The following CNTNAP5 variants were observed in gnomAD, a reference collection of about 807,000 sequenced individuals.
CNTNAP5 encodes the protein contactin-associated protein-like 5.
CNTNAP5 carries 72 observed loss-of-function variants against 150.2 expected under a neutral mutation model. The observed-to-expected ratio is 0.48, with a 90% confidence interval of 0.40 to 0.58. The LOEUF is 0.58. Ranked by LOEUF, CNTNAP5 falls within the 20% of genes least tolerant of loss-of-function variation. The pLI, the probability that CNTNAP5 is intolerant of heterozygous loss-of-function variation, is 0.00. For missense variants in CNTNAP5, 1,636 were observed against 1,626.2 expected (o/e 1.01, Z -0.10); for synonymous variants, 672 against 619.8 (o/e 1.08, Z -1.25).
chr2:124,355,180 A>G (rs1052845116), intron 3 of CNTNAP5, among the ~76,000 whole-genome samples: 17 of 152,192 alleles, frequency 1.1e-4, no homozygotes, highest in African/African-American at 3.9e-4. Flanking sequence ...GATGTCTACA[A>G]AAAATAATTA....
At chr2:124,170,393 C>T (rs1009613127) in intron 1 of CNTNAP5, among the ~76,000 whole-genome samples, 1 of 152,110 alleles carries the variant, frequency 6.6e-6, no homozygotes, top group Non-Finnish European at 1.5e-5. Context: ...TGATTTAGTA[C>T]CTGAGTTAGC....
intron 1 of CNTNAP5, among the ~76,000 whole-genome samples, chr2:124,214,401 C>T (rs867045287): frequency 6.6e-6 from 1 of 152,160 alleles, no homozygotes; most frequent in Non-Finnish European, 1.5e-5. Flanking sequence ...CTGCTCTGGC[C>T]CCATCACCAG....
intron 1 of CNTNAP5, among the ~76,000 whole-genome samples, chr2:124,183,798 C>A (rs184839934): frequency 6.6e-6 from 1 of 152,256 alleles, no homozygotes; most frequent in East Asian, 1.9e-4. Context: ...AGAAAGATAA[C>A]GTCCACCCAC....
chr2:124,036,789 C>A (rs1681233744), intron 1 of CNTNAP5, among the ~76,000 whole-genome samples: 1 of 152,116 alleles, frequency 6.6e-6, no homozygotes, highest in Admixed American at 6.5e-5. Context: ...TTTCCCCATT[C>A]TAGGCTGAGG....
intron 20 of CNTNAP5, among the ~76,000 whole-genome samples, chr2:124,867,376 T>C (rs1677655236): frequency 6.6e-6 from 1 of 152,174 alleles, no homozygotes; most frequent in Non-Finnish European, 1.5e-5. Flanking sequence ...TACCTTTTTC[T>C]TATACCCATA....
At chr2:124,460,567 AT>A (rs1203135808) in intron 6 of CNTNAP5, among the ~76,000 whole-genome samples, 1 of 152,172 alleles carries the variant, frequency 6.6e-6, no homozygotes, top group Non-Finnish European at 1.5e-5. Flanking sequence ...CTTTACTTTC[AT>A]TTATATCTAT....
At chr2:124,408,132 T>G (rs1306607335) in intron 3 of CNTNAP5, among the ~76,000 whole-genome samples, 1 of 152,308 alleles carries the variant, frequency 6.6e-6, no homozygotes, top group African/African-American at 2.4e-5. Flanking sequence ...GGAAGGCACC[T>G]GGAAAATCGG....
chr2:124,618,605 A>G (rs1189671011), intron 12 of CNTNAP5, among the ~76,000 whole-genome samples: 1 of 152,082 alleles, frequency 6.6e-6, no homozygotes, highest in Non-Finnish European at 1.5e-5. Flanking sequence ...CTCCCCTCTG[A>G]TGAAACCCAA....
intron 3 of CNTNAP5, among the ~76,000 whole-genome samples, chr2:124,403,107 C>A (rs1284007047): frequency 6.6e-6 from 1 of 152,210 alleles, no homozygotes; most frequent in African/African-American, 2.4e-5. Context: ...GCTAGTTCCT[C>A]CTTAACTTTA....
chr2:124,764,202 C>G, intron 16 of CNTNAP5, 55 bp downstream of exon 16: 11 of 1,453,166 alleles, frequency 7.6e-6, no homozygotes, highest in Non-Finnish European at 1.1e-5. Context: ...AAGTTTTAGT[C>G]TTGTTTTTGC....
At position 124,918,274 on chromosome 2, in the gene CNTNAP5, G is replaced by T. The variant is rs1206868993; in HGVS notation, c.*3986G>T. 3.9e-5 allele frequency among the ~76,000 whole-genome samples: 6 copies of T among 152,038 alleles called. No individual in the cohort carries two copies. Among genetic ancestry groups the T allele is most frequent in the Non-Finnish European group, 8.8e-5 (6 of 67,990 alleles). ...TTCCAGATGTTCCTGAAGGTGGTTT[G>T]GTTGTCATCCAGCTCTTCCTAAAAC... On this transcript the variant is annotated 3_prime_UTR_variant, in exon 24 of 24. Coordinates refer to ENST00000682447, the MANE Select transcript of CNTNAP5 (RefSeq NM_001367498.1).
chr2:124,539,371 C>CT (rs1695323443), intron 10 of CNTNAP5, among the ~76,000 whole-genome samples: 1 of 152,168 alleles, frequency 6.6e-6, no homozygotes, highest in Non-Finnish European at 1.5e-5. Flanking sequence ...ATGCCATCCA[C>CT]TTTAACACTT....
chr2:124,742,951 G>A (rs1358492129), intron 13 of CNTNAP5, among the ~76,000 whole-genome samples: 1 of 152,038 alleles, frequency 6.6e-6, no homozygotes, highest in Non-Finnish European at 1.5e-5. Flanking sequence ...TGGTTTCCTA[G>A]CCAAGGAGCT....
intron 3 of CNTNAP5, among the ~76,000 whole-genome samples, chr2:124,366,637 C>T (rs929104960): frequency 2.0e-5 from 3 of 152,112 alleles, no homozygotes; most frequent in Admixed American, 2.0e-4. Context: ...AATTCTACCC[C>T]TCCAGGTGTT....
At chr2:124,514,476 A>G (rs1694661052) in intron 8 of CNTNAP5, among the ~76,000 whole-genome samples, 1 of 152,062 alleles carries the variant, frequency 6.6e-6, no homozygotes. Context: ...TTTCTCATGT[A>G]ACTTGAAGTT....
At chr2:124,479,327 G>T (rs1693714024) in intron 7 of CNTNAP5, among the ~76,000 whole-genome samples, 1 of 151,894 alleles carries the variant, frequency 6.6e-6, no homozygotes, top group African/African-American at 2.4e-5. Context: ...TGCTTTTTTT[G>T]AGCTGTCCTT....
intron 19 of CNTNAP5, among the ~76,000 whole-genome samples, chr2:124,801,751 T>C (rs559927205): frequency 4.7e-4 from 71 of 152,302 alleles, no homozygotes; most frequent in African/African-American, 1.6e-3. Flanking sequence ...ATTGACCTAA[T>C]TACCAGAGAA....
rs190140000 is a variant in CNTNAP5, at chr2:124,849,857, T to G, written c.3218-15449T>G. ...GCCTAACTGAGTGGGATTATCTATG[T>G]CTTTATTTAAATAATTTTCATTAAA... On this transcript the variant is annotated intron_variant, in intron 19 of 23. Coordinates refer to ENST00000682447, the MANE Select transcript of CNTNAP5 (RefSeq NM_001367498.1). Among the ~76,000 whole-genome samples the G allele has an allele frequency of 2.2e-3, 342 of 152,322 alleles. 2 individuals carry two copies. Among genetic ancestry groups the G allele is most frequent in the African/African-American group, 7.8e-3 (325 of 41,562 alleles).
chr2:124,904,019 A>G (rs1284899740), intron 22 of CNTNAP5, among the ~76,000 whole-genome samples: 1 of 137,698 alleles, frequency 7.3e-6, no homozygotes, highest in Non-Finnish European at 1.5e-5. Context: ...ATGCAACTGC[A>G]CTCCAGCCTG....
Sources: allele counts gnomAD v4.1 joint callset (sites outside exome capture counted in the v4.1 genomes callset), GRCh38; gene constraint gnomAD v4.1.1; transcripts MANE v1.5; gene names NCBI Gene and HGNC (gene_info 2026-07-23, HGNC 2026-07-21).